Variants in HDAC4 observed in about 807,000 individuals in gnomAD.
HDAC4 encodes histone deacetylase 4, also known as histone deacetylase A.
HDAC4 carries 16 observed loss-of-function variants against 135.1 expected under a neutral mutation model. The ratio of observed to expected loss-of-function variants is 0.12; its 90% CI spans 0.08 to 0.18. HDAC4 has a LOEUF of 0.18. Among genes scored for constraint, HDAC4 ranks in the 10% least tolerant of loss-of-function variants. The probability of loss-of-function intolerance (pLI) is 1.00; values close to 1 mark genes in which losing one functional copy is unlikely to be tolerated. For synonymous variants in HDAC4, 685 were observed against 653.4 expected, an observed-to-expected ratio of 1.05 and a Z score of -0.74; for missense variants, 1,143 against 1,511.8, an observed-to-expected ratio of 0.76 and a Z score of 4.05.
chr2:239,123,410 G>GT (rs2039867219), intron 12 of HDAC4, among the ~76,000 whole-genome samples: 2 of 152,180 alleles, frequency 1.3e-5, no homozygotes, highest in African/African-American at 4.8e-5. Context: ...GGTGGGGGTG[G>GT]TGAGCCTATT....
At chr2:239,109,338 C>T (rs762358301) in intron 14 of HDAC4, among the ~76,000 whole-genome samples, 1 of 152,188 alleles carries the variant, frequency 6.6e-6, no homozygotes, top group Admixed American at 6.5e-5. Context: ...GACAGACCTG[C>T]TCTATTGCTT....
chr2:239,362,493 A>G (rs901160866), intron 1 of HDAC4, among the ~76,000 whole-genome samples: 2 of 152,186 alleles, frequency 1.3e-5, no homozygotes, highest in East Asian at 3.8e-4. Context: ...AGCTACCACA[A>G]AGAAATGTGA....
rs1441126552 is a variant in HDAC4, at chr2:239,198,636, G to A, written c.95-8559C>T. 8.5e-5 allele frequency among the ~76,000 whole-genome samples: 13 copies of A among 152,266 alleles called. No homozygotes were observed. In the East Asian group the frequency reaches 1.9e-3, roughly 23 times the overall value. On this transcript the variant is annotated intron_variant, in intron 3 of 26. Coordinates refer to ENST00000543185, the MANE Select transcript of HDAC4 (RefSeq NM_001378414.1). ...ATCTGGTGAGTTCTCAGTGCTCCTC[G>A]TGGTTGGCTGAGATCTGTTTTTTGG... is the stretch of plus-strand genomic sequence containing the variant.
chr2:239,365,947 C>T, intron 1 of HDAC4, among the ~76,000 whole-genome samples: 1 of 151,590 alleles, frequency 6.6e-6, no homozygotes, highest in Admixed American at 6.6e-5. Flanking sequence ...CACTATGTGA[C>T]ATACACAGAC....
Position 239,102,830 on chromosome 2 carries a change from G to A in HDAC4, c.2179C>T (p.Leu727=). The A allele has an allele frequency of 6.2e-7, 1 of 1,613,978 alleles. No individual in the cohort carries two copies. Among genetic ancestry groups the A allele is most frequent in the Non-Finnish European group, 8.5e-7 (1 of 1,179,998 alleles). The change falls in exon 16 of 27, where the codon CTG becomes TTG. Residue 727 remains leucine (L), a synonymous_variant. Coordinates refer to ENST00000543185, the MANE Select transcript of HDAC4 (RefSeq NM_001378414.1). ...QTVHSEAHTL[L]YGTNPLNRQK... is the part of the protein sequence containing the mutation. ...CGGTTGAGGGGGTTCGTGCCATACA[G>A]GAGGGTGTGGGCTTCCGAGTGCACC...
chr2:239,246,546 A>ACCGGCCAC (rs77052500), intron 2 of HDAC4, among the ~76,000 whole-genome samples: 17,954 of 152,120 alleles, frequency 0.12, 1,159 homozygotes, highest in Non-Finnish European at 0.15. Context: ...GGTGATGGCC[A>ACCGGCCAC]CGGCGCCGGC....
In HDAC4 at chr2:239,349,551, G is replaced by C. The variant is rs1216776975; in HGVS notation, c.22+3127C>G. ...ACTAGAGATCTCTGGGGATGGAGCT[G>C]CTTGGGAAGGCACACAAGCGAGTGG... is the stretch of plus-strand genomic sequence containing the variant. On this transcript the variant is annotated intron_variant, in intron 2 of 26. Transcript: ENST00000543185. The surrounding 1 kb of genome is among the most constrained non-coding windows in gnomAD (Gnocchi z 5.7). Among the ~76,000 whole-genome samples the C allele has an allele frequency of 6.6e-6, 1 of 152,238 alleles. No homozygotes were observed. Among genetic ancestry groups the C allele is most frequent in the African/African-American group, 2.4e-5 (1 of 41,474 alleles).
chr2:239,287,262 G>C (rs1308502965), intron 2 of HDAC4, among the ~76,000 whole-genome samples: 1 of 152,146 alleles, frequency 6.6e-6, no homozygotes, highest in African/African-American at 2.4e-5. Context: ...GACTCCTGAG[G>C]CTCCTTCGGC....
chr2:239,301,265 G>A (rs977046331), intron 2 of HDAC4, among the ~76,000 whole-genome samples: 3 of 152,154 alleles, frequency 2.0e-5, no homozygotes, highest in Non-Finnish European at 4.4e-5. Flanking sequence ...CAGCCACGAC[G>A]AGGGGCGATG....
At position 239,358,886 on chromosome 2, in the gene HDAC4, G is replaced by A. The variant is rs114761149; in HGVS notation, c.-219-5968C>T. 9.4e-3 allele frequency among the ~76,000 whole-genome samples: 1,437 copies of A among 152,180 alleles called. 33 individuals carry two copies. The highest frequency in any genetic ancestry group is 0.033 in the African/African-American group (1,362 of 41,502). On this transcript the variant is annotated intron_variant, in intron 1 of 26. Coordinates refer to ENST00000543185, the MANE Select transcript of HDAC4 (RefSeq NM_001378414.1). ...CCACCATTTATACACGATTCTCCTT[G>A]TTCTCAGCCTTACCGTATCCAGGTA...
At chr2:239,206,900 A>G (rs902144544) in intron 3 of HDAC4, among the ~76,000 whole-genome samples, 6 of 152,238 alleles carry the variant, frequency 3.9e-5, no homozygotes, top group African/African-American at 1.4e-4. Context: ...TCAATGCAGT[A>G]AAAGAGTCCC....
chr2:239,124,696 A>C (rs2040006060), intron 12 of HDAC4, among the ~76,000 whole-genome samples: 2 of 135,164 alleles, frequency 1.5e-5, no homozygotes, highest in Admixed American at 1.5e-4. Flanking sequence ...GTTATATGAC[A>C]TTCCATGTTA....
At chr2:239,126,758 C>T in intron 11 of HDAC4, 64 bp from the exon 12 acceptor site, 1 of 1,528,616 alleles carries the variant, frequency 6.5e-7, no homozygotes, top group African/African-American at 1.4e-5. Flanking sequence ...GGAGAGAGGG[C>T]TATTGAGTAA....
intron 3 of HDAC4, among the ~76,000 whole-genome samples, chr2:239,230,265 G>A (rs1431912416): frequency 6.6e-6 from 1 of 151,390 alleles, no homozygotes; most frequent in Non-Finnish European, 1.5e-5. Context: ...ATTGGGTTGG[G>A]GGACTTAGAA....
chr2:239,090,436 T>C (rs2036402960), intron 17 of HDAC4, among the ~76,000 whole-genome samples: 2 of 149,062 alleles, frequency 1.3e-5, no homozygotes, highest in South Asian at 4.2e-4. Flanking sequence ...ATTTCCTTTT[T>C]TTTTTTTTTT....
intron 4 of HDAC4, among the ~76,000 whole-genome samples, chr2:239,181,950 G>A (rs956412847): frequency 2.6e-5 from 4 of 152,148 alleles, no homozygotes; most frequent in Non-Finnish European, 1.5e-5. Context: ...GGTAAAATCA[G>A]GCCCCCTCAA....
At chr2:239,298,307 G>C in intron 2 of HDAC4, 1 of 1,248,564 alleles carries the variant, frequency 8.0e-7, no homozygotes, top group Non-Finnish European at 1.0e-6. Flanking sequence ...AGAAGCTGGG[G>C]GAGCCCCTGG....
At chr2:239,231,916 C>T (rs1435000637) in intron 3 of HDAC4, among the ~76,000 whole-genome samples, 1 of 146,958 alleles carries the variant, frequency 6.8e-6, no homozygotes, top group Non-Finnish European at 1.5e-5. Context: ...GGTAGGTGTC[C>T]TCCCCGAAGC....
At chr2:239,335,195 C>A (rs888719504) in intron 2 of HDAC4, among the ~76,000 whole-genome samples, 2 of 152,040 alleles carry the variant, frequency 1.3e-5, no homozygotes, top group Non-Finnish European at 2.9e-5. Flanking sequence ...TGCAAACAGA[C>A]CAATGAACTA....
Sources: gnomAD v4.1 joint callset for allele counts (sites outside exome capture counted in the v4.1 genomes callset) on GRCh38, gnomAD v4.1.1 for gene constraint, Gnocchi (gnomAD v3.1) non-coding constraint, MANE v1.5 for transcripts, NCBI Gene and HGNC (gene_info 2026-07-23, HGNC 2026-07-21) for gene names.